Variants in TBCK observed in about 807,000 individuals in gnomAD.
TBCK encodes TBC1 domain containing kinase.
In TBCK, 99 loss-of-function variants were observed where a neutral mutation model predicts 113.4. That is an observed-to-expected ratio of 0.87 (90% CI 0.74 to 1.03). The LOEUF (loss-of-function observed/expected upper bound fraction) is 1.03, where lower values mean the gene tolerates loss of function less well. Ranked by LOEUF, TBCK falls within the 50% of genes least tolerant of loss-of-function variation. TBCK has a pLI of 0.00. For missense variants in TBCK, 1,045 were observed against 1,061.3 expected (o/e 0.98, Z 0.21); for synonymous variants, 369 against 370.8 (o/e 1.00, Z 0.05).
intron 20 of TBCK, among the ~76,000 whole-genome samples, chr4:106,197,757 CA>C (rs1343909539): frequency 2.6e-5 from 4 of 151,988 alleles, no homozygotes; most frequent in Admixed American, 2.0e-4. Flanking sequence ...TGGTCACCCC[CA>C]AACTGCCTCT....
At chr4:106,217,794 C>T (rs942556746) in intron 19 of TBCK, among the ~76,000 whole-genome samples, 1 of 150,324 alleles carries the variant, frequency 6.7e-6, no homozygotes, top group African/African-American at 2.4e-5. Context: ...CCATACTGCC[C>T]AAGGTAATTT....
At chr4:106,187,311 C>G (rs1298201140) in intron 22 of TBCK, among the ~76,000 whole-genome samples, 1 of 152,066 alleles carries the variant, frequency 6.6e-6, no homozygotes, top group East Asian at 1.9e-4. Context: ...AGCACTGAAT[C>G]TATAAATTCC....
At chr4:106,128,277 G>A (rs1745464091) in intron 23 of TBCK, among the ~76,000 whole-genome samples, 1 of 152,150 alleles carries the variant, frequency 6.6e-6, no homozygotes, top group African/African-American at 2.4e-5. Context: ...GAGCATACCA[G>A]AAGAACACTT....
At chr4:106,114,365 G>C (rs1480889116) in intron 24 of TBCK, among the ~76,000 whole-genome samples, 5 of 152,216 alleles carry the variant, frequency 3.3e-5, no homozygotes, top group Non-Finnish European at 5.9e-5. Context: ...AATTGATCTA[G>C]GTAAGTTAGT....
In TBCK at chr4:106,203,283, CATAT is replaced by C. The variant is rs10565641; in HGVS notation, c.1861-8533_1861-8530del. Reference sequence around the variant, plus strand: ...GGACATATACACATATATATTTTCACATATATATATATATATATATACTTTCAAA... The same window carrying C: ...GGACATATACACATATATATTTTCACATATATATATATATATACTTTCAAA... On this transcript the variant is annotated intron_variant, in intron 20 of 25. Transcript: ENST00000394708. Among the ~76,000 whole-genome samples the C allele has an allele frequency of 2.6e-3, 373 of 145,996 alleles. 2 individuals are homozygous for C. Among genetic ancestry groups the C allele is most frequent in the South Asian group, 0.013 (62 of 4,624 alleles).
At chr4:106,231,860 T>G (rs913421721) in intron 17 of TBCK, 81 bp from the exon 18 acceptor site, 3 of 1,208,840 alleles carry the variant, frequency 2.5e-6, no homozygotes. Context: ...TTCAATTCTT[T>G]GCATTACCTC....
chr4:106,171,223 A>T lies in TBCK; in HGVS notation c.2107T>A (p.Trp703Arg). 1 of 1,612,156 alleles carries T rather than the reference A, an allele frequency of 6.2e-7. No homozygotes were observed. The highest frequency in any genetic ancestry group is 8.5e-7 in the Non-Finnish European group (1 of 1,179,260). The change falls in exon 23 of 26, where the codon TGG becomes AGG. Residue 703 changes from tryptophan to arginine, a missense_variant. By Grantham distance (101) the Trp-to-Arg change is moderately radical. Transcript: ENST00000394708. The stretch of plus-strand genomic sequence containing the variant: ...CTGTAAGTAGCACTTTTAGGAGTCC[A>T]ACAAAACAGGTTGATAGATTCTCTC... ...CVRESINLFCWTPKSATYRQH... is the reference protein window; with the variant it reads ...CVRESINLFCRTPKSATYRQH...
At position 106,151,057 on chromosome 4, in the gene TBCK, T is replaced by C. The variant is rs570033792; in HGVS notation, c.2235+20038A>G. Among the ~76,000 whole-genome samples the C allele has an allele frequency of 2.6e-5, 4 of 152,138 alleles. No individual in the cohort carries two copies. In the East Asian group the frequency reaches 5.8e-4, roughly 22 times the overall value. The stretch of plus-strand genomic sequence containing the variant: ...AACTTTTATTTTTTATTTTTCATTT[T>C]TTAATTTTTGTGAGTCCATAGTACG... On this transcript the variant is annotated intron_variant, in intron 23 of 25. Transcript: ENST00000394708.
At chr4:106,215,870 T>C (rs1756832948) in intron 19 of TBCK, among the ~76,000 whole-genome samples, 2 of 151,696 alleles carry the variant, frequency 1.3e-5, no homozygotes. Flanking sequence ...GCGGACCCAA[T>C]AGACATCTAC....
At chr4:106,180,177 C>T (rs1000048721) in intron 22 of TBCK, among the ~76,000 whole-genome samples, 2 of 151,536 alleles carry the variant, frequency 1.3e-5, no homozygotes, top group Admixed American at 6.6e-5. Flanking sequence ...TAAATCAATT[C>T]AGCCATTCTA....
intron 20 of TBCK, among the ~76,000 whole-genome samples, chr4:106,204,375 G>T (rs922202872): frequency 2.0e-5 from 3 of 152,108 alleles, no homozygotes; most frequent in Admixed American, 6.5e-5. Flanking sequence ...AGGCCCTGGC[G>T]GTCCTTAAGT....
chr4:106,219,789 T>C lies in TBCK; in HGVS notation c.1775-6954A>G, dbSNP rs574377288. Among the ~76,000 whole-genome samples, 12 of 152,304 alleles carry C rather than the reference T, an allele frequency of 7.9e-5. No homozygotes were observed. The South Asian group carries it at 2.3e-3, about 29-fold the overall frequency. Reference sequence around the variant, plus strand: ...CCTGGGCTCAAGCAATCCTCCTGTATTGGCCACCCAAAGTGCTGAGATTAC... The same window carrying C: ...CCTGGGCTCAAGCAATCCTCCTGTACTGGCCACCCAAAGTGCTGAGATTAC... On this transcript the variant is annotated intron_variant, in intron 19 of 25. Coordinates refer to ENST00000394708, the MANE Select transcript of TBCK (RefSeq NM_001163435.3).
At chr4:106,263,976 T>C (rs543241455) in intron 3 of TBCK, among the ~76,000 whole-genome samples, 1 of 152,154 alleles carries the variant, frequency 6.6e-6, no homozygotes, top group African/African-American at 2.4e-5. Context: ...ACAAATTTTA[T>C]TTTACATTAT....
Position 106,233,052 on chromosome 4 carries a change from T to A in TBCK, c.1525A>T (p.Ile509Phe). 6.2e-7 allele frequency: 1 copy of A among 1,611,082 alleles called. No individual in the cohort carries two copies. The highest frequency in any genetic ancestry group is 8.5e-7 in the Non-Finnish European group (1 of 1,178,182). ...IPTDRQIEVD[I>F]PRCHQYDELL... ...TCATCGTACTGATGACAGCGAGGAA[T>A]ATCCACTTCAATCTGTTAAAATAGC... The change falls in exon 17 of 26, where the codon ATT (isoleucine) becomes TTT (phenylalanine). Residue 509 changes from isoleucine (I) to phenylalanine (F), a missense_variant. Transcript: ENST00000394708.
At chr4:106,060,989 C>T (rs1300676060) in intron 25 of TBCK, among the ~76,000 whole-genome samples, 1 of 151,644 alleles carries the variant, frequency 6.6e-6, no homozygotes, top group Non-Finnish European at 1.5e-5. Context: ...GGCTGAACTG[C>T]TGCAATCTCA....
chr4:106,166,903 T>C (rs1750430322), intron 23 of TBCK, among the ~76,000 whole-genome samples: 1 of 151,152 alleles, frequency 6.6e-6, no homozygotes, highest in African/African-American at 2.4e-5. Context: ...GGTACAATAA[T>C]TGTCTCAATA....
chr4:106,130,110 T>C (rs1323444153), intron 23 of TBCK, among the ~76,000 whole-genome samples: 2 of 152,222 alleles, frequency 1.3e-5, no homozygotes, highest in Non-Finnish European at 2.9e-5. Flanking sequence ...AAGTACCATC[T>C]TGTAATTACC....
intron 19 of TBCK, among the ~76,000 whole-genome samples, chr4:106,215,507 A>G (rs1756775268): frequency 6.6e-6 from 1 of 152,190 alleles, no homozygotes. Flanking sequence ...CTAAAAATAA[A>G]AGGATGGAGG....
chr4:106,241,253 A>C (rs746157296), intron 12 of TBCK, among the ~76,000 whole-genome samples: 1 of 144,190 alleles, frequency 6.9e-6, no homozygotes, highest in Non-Finnish European at 1.5e-5. Flanking sequence ...ATAAAATAAG[A>C]CAAATAAATG....
Sources: allele counts gnomAD v4.1 joint callset (sites outside exome capture counted in the v4.1 genomes callset), GRCh38; gene constraint gnomAD v4.1.1; transcripts MANE v1.5; gene names NCBI Gene and HGNC (gene_info 2026-07-23, HGNC 2026-07-21).